The following FAR2 variants were observed in gnomAD, a reference collection of about 807,000 sequenced individuals.
FAR2 encodes epididymis secretory protein Li 81.
In FAR2, 19 loss-of-function variants were observed where a neutral mutation model predicts 56.0. The observed-to-expected ratio is 0.34, with a 90% confidence interval of 0.24 to 0.50. The LOEUF is 0.50. FAR2 is among the 20% of genes least tolerant of loss of function. The pLI is 0.98. For synonymous variants in FAR2, 219 were observed against 218.8 expected (o/e 1.00, Z -0.01); for missense variants, 508 against 642.2 (o/e 0.79, Z 2.26).
intron 1 of FAR2, among the ~76,000 whole-genome samples, chr12:29,154,230 C>T (rs1949704458): frequency 1.3e-5 from 2 of 152,122 alleles, no homozygotes; most frequent in African/African-American, 4.8e-5. Flanking sequence ...ACATAATTTA[C>T]TCCCCTGCTT....
intron 1 of FAR2, among the ~76,000 whole-genome samples, chr12:29,157,515 G>C (rs1438818813): frequency 6.6e-6 from 1 of 152,052 alleles, no homozygotes; most frequent in Non-Finnish European, 1.5e-5. Context: ...CAAAAATATG[G>C]CTTCTCCAAC....
At position 29,293,452 on chromosome 12, in the gene FAR2, T is replaced by G. The variant is rs1591937167; in HGVS notation, c.342T>G (p.Thr114=). 5.0e-6 allele frequency: 8 copies of G among 1,585,094 alleles called. No individual in the cohort carries two copies. Among genetic ancestry groups the G allele is most frequent in the Middle Eastern group, 1.7e-4 (1 of 5,972 alleles). The change falls in exon 3 of 12, where the codon ACT becomes ACG. Residue 114 remains threonine, a synonymous_variant. Transcript: ENST00000536681. ...ACATAATATTTCACTGTGCAGCCAC[T>G]GTACGCTTTGACGACACTCTCAGGT... ...CTNIIFHCAA[T]VRFDDTLRHA...
At chr12:29,255,587 A>G (rs1242045776) in intron 1 of FAR2, among the ~76,000 whole-genome samples, 1 of 152,184 alleles carries the variant, frequency 6.6e-6, no homozygotes. Context: ...AGTAGAGACT[A>G]TAAAATACTG....
At chr12:29,263,147 T>G (rs1948452461) in intron 1 of FAR2, among the ~76,000 whole-genome samples, 1 of 152,112 alleles carries the variant, frequency 6.6e-6, no homozygotes, top group South Asian at 2.1e-4. Flanking sequence ...CCCAGATATA[T>G]AAAGCAAATA....
At chr12:29,181,991 A>G (rs1368035169) in intron 1 of FAR2, among the ~76,000 whole-genome samples, 1 of 152,224 alleles carries the variant, frequency 6.6e-6, no homozygotes, top group Non-Finnish European at 1.5e-5. Context: ...TGAACAATAC[A>G]TGTAATCTTA....
At position 29,152,590 on chromosome 12, in the gene FAR2, GATGA is replaced by G. The variant is rs1054343964; in HGVS notation, c.-39+3187_-39+3190del. Among the ~76,000 whole-genome samples the G allele has an allele frequency of 6.6e-5, 10 of 152,346 alleles. No individual in the cohort carries two copies. In the South Asian group the frequency reaches 2.1e-3, roughly 32 times the overall value. ...AAGGTCTTCTAATGGCACTAGAAGG[GATGA>G]ATGGAGATTCGTTCTTCATGCAATT... On this transcript the variant is annotated intron_variant, in intron 1 of 11. Transcript: ENST00000536681.
chr12:29,325,220 C>T (rs1379922824), intron 10 of FAR2, among the ~76,000 whole-genome samples: 1 of 152,124 alleles, frequency 6.6e-6, no homozygotes, highest in Admixed American at 6.5e-5. Flanking sequence ...TATATATGCA[C>T]CCAATACAGG....
At chr12:29,173,214 C>T (rs7297542) in intron 1 of FAR2, among the ~76,000 whole-genome samples, 112,438 of 152,070 alleles carry the variant, frequency 0.74, 43,678 homozygotes, top group East Asian at 0.91. Context: ...GACGTGTACC[C>T]GGGTTGGGCC....
At chr12:29,319,809 A>C (rs900835580) in intron 9 of FAR2, among the ~76,000 whole-genome samples, 1 of 152,234 alleles carries the variant, frequency 6.6e-6, no homozygotes, top group Non-Finnish European at 1.5e-5. Context: ...AGTGCTTAGA[A>C]TATAATAATC....
chr12:29,208,975 TG>T (rs1947509899), intron 1 of FAR2, among the ~76,000 whole-genome samples: 1 of 151,724 alleles, frequency 6.6e-6, no homozygotes, highest in African/African-American at 2.4e-5. Context: ...TTTAGTCTGA[TG>T]AAGACACACA....
chr12:29,199,807 G>A (rs888248698), intron 1 of FAR2, among the ~76,000 whole-genome samples: 2 of 152,130 alleles, frequency 1.3e-5, no homozygotes, highest in Middle Eastern at 3.2e-3. Flanking sequence ...GATCTTATGT[G>A]AGGAGTAAGT....
At chr12:29,239,004 T>G (rs1217486251) in intron 1 of FAR2, among the ~76,000 whole-genome samples, 1 of 152,178 alleles carries the variant, frequency 6.6e-6, no homozygotes, top group Non-Finnish European at 1.5e-5. Context: ...TTTGAAGGGG[T>G]CACCTGATTA....
intron 10 of FAR2, among the ~76,000 whole-genome samples, chr12:29,329,076 G>T (rs555400432): frequency 6.6e-6 from 1 of 152,184 alleles, no homozygotes; most frequent in African/African-American, 2.4e-5. Flanking sequence ...CAAAAGGCAA[G>T]ATTTAGAGGG....
intron 2 of FAR2, among the ~76,000 whole-genome samples, chr12:29,288,877 G>A (rs1306860546): frequency 6.6e-6 from 1 of 152,006 alleles, no homozygotes; most frequent in East Asian, 1.9e-4. Context: ...ATACTGTCAG[G>A]CATAAAGAGA....
In FAR2 at chr12:29,333,915, T is replaced by TGTATTCGTCCC. The variant is rs1041035480; in HGVS notation, c.*122_*132dup. ...CCAAACTGTCAAATGTCACCTGTTA[T>TGTATTCGTCCC]GTATTCGTCCCTATTCCTTAACTAT... On this transcript the variant is annotated 3_prime_UTR_variant, in exon 12 of 12. Transcript: ENST00000536681. 2 of 904,628 alleles carry TGTATTCGTCCC rather than the reference T, an allele frequency of 2.2e-6. No individual in the cohort carries two copies. The highest frequency in any genetic ancestry group is 5.0e-5 in the Admixed American group (2 of 39,680). The allele number at this position is 904,628 out of a possible 1,614,324, so 56.0% of individuals were successfully genotyped here. A position where few individuals can be genotyped will look rare whatever the true frequency, so the allele number is the denominator to read the frequency against.
chr12:29,240,439 A>G (rs1948009976), intron 1 of FAR2, among the ~76,000 whole-genome samples: 6 of 152,128 alleles, frequency 3.9e-5, no homozygotes, highest in Admixed American at 3.9e-4. Context: ...CCACTTTCCA[A>G]AAGTACCACC....
intron 1 of FAR2, among the ~76,000 whole-genome samples, chr12:29,150,029 AG>A (rs1949669804): frequency 6.6e-6 from 1 of 152,152 alleles, no homozygotes; most frequent in Admixed American, 6.5e-5. Flanking sequence ...GCGACTGGTG[AG>A]GCCAGGGCGG....
chr12:29,333,609 G>C, intron 11 of FAR2, 23 bp from the exon 12 acceptor site: 1 of 1,601,666 alleles, frequency 6.2e-7, no homozygotes, highest in South Asian at 1.1e-5. Flanking sequence ...TTTTAACTTT[G>C]GTTATGTCTG....
intron 1 of FAR2, among the ~76,000 whole-genome samples, chr12:29,240,137 T>C (rs1365464529): frequency 1.3e-5 from 2 of 152,244 alleles, no homozygotes; most frequent in African/African-American, 2.4e-5. Flanking sequence ...GCGTGGCTCA[T>C]AAGATTCACT....
Sources: allele counts gnomAD v4.1 joint callset (sites outside exome capture counted in the v4.1 genomes callset), GRCh38; gene constraint gnomAD v4.1.1; transcripts MANE v1.5; gene names NCBI Gene and HGNC (gene_info 2026-07-23, HGNC 2026-07-21).